CTTNBP2: variants seen among roughly 807,000 people sequenced by gnomAD.
CTTNBP2 encodes the protein cortactin-binding protein 2.
A neutral mutation model predicts 156.9 loss-of-function variants in CTTNBP2; 108 were observed. The observed-to-expected ratio is 0.69, with a 90% CI of 0.59 to 0.81. CTTNBP2 has a LOEUF of 0.81. Ranked by LOEUF, CTTNBP2 falls within the 30% of genes least tolerant of loss-of-function variation. CTTNBP2 has a pLI of 0.00. For synonymous variants in CTTNBP2, 767 were observed against 751.8 expected (o/e 1.02, Z -0.33); for missense variants, 1,924 against 2,035.4 (o/e 0.95, Z 1.05).
At chr7:117,855,125 G>C (rs1803208633) in intron 2 of CTTNBP2, among the ~76,000 whole-genome samples, 1 of 152,080 alleles carries the variant, frequency 6.6e-6, no homozygotes, top group Non-Finnish European at 1.5e-5. Context: ...AAATCTGCCT[G>C]TCCCAAGGCA....
At chr7:117,867,582 T>C (rs901812577) in intron 1 of CTTNBP2, among the ~76,000 whole-genome samples, 1 of 152,102 alleles carries the variant, frequency 6.6e-6, no homozygotes, top group Non-Finnish European at 1.5e-5. Context: ...AAATGTCTAC[T>C]GCACACAGTA....
At chr7:117,785,851 C>A (rs574325782) in intron 4 of CTTNBP2, among the ~76,000 whole-genome samples, 1 of 152,306 alleles carries the variant, frequency 6.6e-6, no homozygotes, top group Admixed American at 6.5e-5. Context: ...GAGATAAGAT[C>A]TTGCCATATT....
At chr7:117,803,964 TATGAATGA>T (rs919427254) in intron 3 of CTTNBP2, among the ~76,000 whole-genome samples, 1 of 152,082 alleles carries the variant, frequency 6.6e-6, no homozygotes, top group Non-Finnish European at 1.5e-5. Flanking sequence ...TTTATTTATT[TATGAATGA>T]ATGAATGAAT....
intron 2 of CTTNBP2, among the ~76,000 whole-genome samples, chr7:117,826,589 A>C (rs1242844722): frequency 6.6e-6 from 1 of 152,084 alleles, no homozygotes; most frequent in Non-Finnish European, 1.5e-5. Flanking sequence ...CTGAAGTTCT[A>C]AATCATATCC....
At chr7:117,865,671 CAAAAAAAA>C (rs61533705) in intron 1 of CTTNBP2, among the ~76,000 whole-genome samples, 7 of 74,520 alleles carry the variant, frequency 9.4e-5, no homozygotes, top group Non-Finnish European at 1.3e-4. Flanking sequence ...ACTCCATCTC[CAAAAAAAA>C]AAAAAAAAAA....
intron 2 of CTTNBP2, among the ~76,000 whole-genome samples, chr7:117,826,655 T>A (rs889697059): frequency 6.6e-6 from 1 of 151,992 alleles, no homozygotes; most frequent in Admixed American, 6.6e-5. Context: ...AGCAATCCTA[T>A]CATAAAACTT....
chr7:117,721,234 T>C (rs1379527189), intron 19 of CTTNBP2, 104 bp from the exon 20 acceptor site: 1 of 745,830 alleles, frequency 1.3e-6, no homozygotes, highest in Non-Finnish European at 2.3e-6. Context: ...TTTCATACTG[T>C]TCTTGGATTA....
At position 117,724,540 on chromosome 7, in the gene CTTNBP2, C is replaced by A; in HGVS notation, c.4447+7G>T. ...TGGTAGGCAACATGCCTACCCCCGCCCTTTACCTTCAGTGCTTAGGTCTGG... is the reference window on the plus strand; with the variant it reads ...TGGTAGGCAACATGCCTACCCCCGCACTTTACCTTCAGTGCTTAGGTCTGG... On this transcript the variant is annotated splice_region_variant and intron_variant, in intron 19 of 22. Transcript: ENST00000160373. The A allele has an allele frequency of 6.2e-7, 1 of 1,606,954 alleles. No homozygotes were observed. The highest frequency in any genetic ancestry group is 8.5e-7 in the Non-Finnish European group (1 of 1,176,494).
chr7:117,796,515 T>G (rs61112731), intron 3 of CTTNBP2, among the ~76,000 whole-genome samples: 2,507 of 152,324 alleles, frequency 0.016, 67 homozygotes, highest in African/African-American at 0.056. Flanking sequence ...TAGTACTAAA[T>G]TCTGATCCCG....
intron 9 of CTTNBP2, among the ~76,000 whole-genome samples, chr7:117,763,301 G>A (rs957424064): frequency 6.6e-6 from 1 of 152,054 alleles, no homozygotes; most frequent in African/African-American, 2.4e-5. Context: ...TTTATTCAAT[G>A]GATGAAGAAA....
At chr7:117,780,288 A>G (rs1299852515) in intron 7 of CTTNBP2, among the ~76,000 whole-genome samples, 153 bp downstream of exon 7, 1 of 152,242 alleles carries the variant, frequency 6.6e-6, no homozygotes, top group African/African-American at 2.4e-5. Flanking sequence ...AACGGGAAAG[A>G]GATTCAAACA....
intron 1 of CTTNBP2, among the ~76,000 whole-genome samples, chr7:117,861,802 T>C (rs1428796736): frequency 6.6e-6 from 1 of 151,964 alleles, no homozygotes; most frequent in African/African-American, 2.4e-5. Flanking sequence ...GGCAGCCAAA[T>C]CTGGCCCACA....
At chr7:117,795,954 T>C (rs1799290084) in intron 3 of CTTNBP2, among the ~76,000 whole-genome samples, 1 of 152,224 alleles carries the variant, frequency 6.6e-6, no homozygotes, top group Non-Finnish European at 1.5e-5. Context: ...CTCTGCCATT[T>C]ACTACAGGGG....
chr7:117,727,940 G>A, intron 17 of CTTNBP2, 149 bp downstream of exon 17: 1 of 672,666 alleles, frequency 1.5e-6, no homozygotes, highest in Non-Finnish European at 2.5e-6. Context: ...GCAAGCTGTG[G>A]CCATCCTCTG....
In CTTNBP2 at chr7:117,791,930, A is replaced by G; in HGVS notation, c.1266T>C (p.Ala422=). Residue 422 remains alanine, a synonymous_variant, in exon 4 of 23, where the codon GCT becomes GCC. Transcript: ENST00000160373. ...TPGIAPQNSQ[A]PPMHSLHSPC... ...GTGAATGTAAACTGTGCATAGGTGG[A>G]GCTTGCGAGTTCTGAGGAGCTATGC... The G allele has an allele frequency of 6.2e-7, 1 of 1,614,024 alleles. No homozygotes were observed. The highest frequency in any genetic ancestry group is 8.5e-7 in the Non-Finnish European group (1 of 1,180,008).
At chr7:117,829,442 C>A in intron 2 of CTTNBP2, among the ~76,000 whole-genome samples, 1 of 152,224 alleles carries the variant, frequency 6.6e-6, no homozygotes, top group Non-Finnish European at 1.5e-5. Context: ...AGCCTGTGGT[C>A]AGTCTCTCAG....
Position 117,741,048 on chromosome 7 carries a change from G to C in CTTNBP2, c.3535+4783C>G, listed in dbSNP as rs369412676. On this transcript the variant is annotated intron_variant, in intron 14 of 22. Coordinates refer to ENST00000160373, the MANE Select transcript of CTTNBP2 (RefSeq NM_033427.3). ...CTTTAGCTTTCATTCTGGAGCCTTG[G>C]GAGTATAACAGCAGGGAACTGTCTG... Among the ~76,000 whole-genome samples the C allele has an allele frequency of 2.0e-4, 30 of 152,282 alleles. No individual in the cohort carries two copies. In the East Asian group the frequency reaches 4.4e-3, roughly 23 times the overall value.
At chr7:117,846,603 TA>T (rs1203099260) in intron 2 of CTTNBP2, among the ~76,000 whole-genome samples, 2 of 152,214 alleles carry the variant, frequency 1.3e-5, no homozygotes, top group African/African-American at 4.8e-5. Flanking sequence ...TAAAATATCA[TA>T]TAATGCTATT....
intron 6 of CTTNBP2, among the ~76,000 whole-genome samples, chr7:117,781,513 G>C (rs953723929): frequency 6.6e-6 from 1 of 152,172 alleles, no homozygotes; most frequent in African/African-American, 2.4e-5. Context: ...GGCTGAGGGG[G>C]ACAGATGACG....
Sources: allele counts gnomAD v4.1 joint callset (sites outside exome capture counted in the v4.1 genomes callset), GRCh38; gene constraint gnomAD v4.1.1; transcripts MANE v1.5; gene names NCBI Gene and HGNC (gene_info 2026-07-23, HGNC 2026-07-21).